The following CDC45 variants were observed in gnomAD, a reference collection of about 807,000 sequenced individuals.
CDC45 encodes the protein cell division control protein 45 homolog.
A neutral mutation model predicts 77.8 loss-of-function variants in CDC45; 54 were observed. The ratio of observed to expected loss-of-function variants is 0.69; its 90% CI spans 0.56 to 0.87. The LOEUF (loss-of-function observed/expected upper bound fraction) is 0.87, where lower values mean the gene tolerates loss of function less well. Among genes scored for constraint, CDC45 ranks in the 40% least tolerant of loss-of-function variants. The pLI is 0.00. For missense variants in CDC45, 649 were observed against 721.6 expected, an observed-to-expected ratio of 0.90 and a Z score of 1.15; for synonymous variants, 260 against 272.1, an observed-to-expected ratio of 0.96 and a Z score of 0.44.
chr22:19,494,187 G>C lies in CDC45; in HGVS notation c.487-140G>C. 1.1e-5 allele frequency: 8 copies of C among 723,026 alleles called. No individual in the cohort carries two copies. In the South Asian group the frequency reaches 1.3e-4, roughly 12 times the overall value. The allele number at this position is 723,026 out of a possible 1,614,324, so 44.8% of individuals were successfully genotyped here. On this transcript the variant is annotated intron_variant, in intron 5 of 18. Coordinates refer to ENST00000263201, the MANE Select transcript of CDC45 (RefSeq NM_003504.5). Reference sequence around the variant, plus strand: ...CCTCTCTTCCGTAGGAACAGGCTGTGCTCGGGGCACTGGTGTGACCGTGTT... The same window carrying C: ...CCTCTCTTCCGTAGGAACAGGCTGTCCTCGGGGCACTGGTGTGACCGTGTT...
chr22:19,480,535 C>G (rs769030734), intron 2 of CDC45, among the ~76,000 whole-genome samples: 1 of 151,912 alleles, frequency 6.6e-6, no homozygotes, highest in Non-Finnish European at 1.5e-5. Flanking sequence ...CGTGGCCTCT[C>G]AAATGGGGGA....
At chr22:19,516,454 G>C in intron 15 of CDC45, 73 bp from the exon 16 acceptor site, 4 of 1,278,846 alleles carry the variant, frequency 3.1e-6, no homozygotes, top group Non-Finnish European at 4.6e-6. Context: ...ACTGGGCGCT[G>C]TTGGGCTCTG....
chr22:19,500,406 C>T (rs1402656841), intron 9 of CDC45, among the ~76,000 whole-genome samples: 2 of 152,138 alleles, frequency 1.3e-5, no homozygotes, highest in Admixed American at 6.6e-5. Flanking sequence ...GTCACTAGGT[C>T]GGCGTGCTCT....
rs564056412 is a variant in CDC45 at position 19,518,821 on chromosome 22, C to G, written c.1637-23C>G. 8.1e-6 allele frequency: 13 copies of G among 1,608,056 alleles called. No homozygotes were observed. In the African/African-American group the frequency reaches 1.6e-4, roughly 20 times the overall value. On this transcript the variant is annotated intron_variant, in intron 17 of 18. Coordinates refer to ENST00000263201, the MANE Select transcript of CDC45 (RefSeq NM_003504.5). ...TGTTCCCACTCCTCCCTTCTCACGG[C>G]TGTTTTTCTTTCATTACTTCAGTAA...
chr22:19,498,765 A>G (rs1797346069), intron 8 of CDC45, among the ~76,000 whole-genome samples: 1 of 152,232 alleles, frequency 6.6e-6, no homozygotes, highest in Non-Finnish European at 1.5e-5. Context: ...TGTTGGGGTC[A>G]GGAGTGCAGG....
chr22:19,510,790 G>A (rs1479899092), intron 13 of CDC45, among the ~76,000 whole-genome samples: 2 of 152,126 alleles, frequency 1.3e-5, no homozygotes, highest in Non-Finnish European at 2.9e-5. Flanking sequence ...GCCTCCCAAA[G>A]TGCTGGGATT....
chr22:19,507,286 T>G (rs1601970822), intron 10 of CDC45, 100 bp from the exon 11 acceptor site: 2 of 1,443,674 alleles, frequency 1.4e-6, no homozygotes, highest in Non-Finnish European at 1.9e-6. Flanking sequence ...GCAGGCCTGG[T>G]GAGAAAGGGC....
At chr22:19,495,497 A>T (rs1344006519) in intron 6 of CDC45, among the ~76,000 whole-genome samples, 3 of 152,192 alleles carry the variant, frequency 2.0e-5, no homozygotes, top group Non-Finnish European at 4.4e-5. Context: ...TTAATTTCCC[A>T]ACGTTACACA....
intron 7 of CDC45, among the ~76,000 whole-genome samples, chr22:19,496,686 A>C (rs561423386): frequency 2.6e-5 from 4 of 151,982 alleles, no homozygotes; most frequent in African/African-American, 9.7e-5. Context: ...AGAGAAGATA[A>C]CTCCCTCCAG....
At chr22:19,505,810 C>G (rs572029332) in intron 10 of CDC45, among the ~76,000 whole-genome samples, 56 of 152,286 alleles carry the variant, frequency 3.7e-4, no homozygotes, top group South Asian at 2.9e-3. Flanking sequence ...AATCACACAG[C>G]GTGACGTGTC....
At chr22:19,499,417 G>T (rs2090301059) in intron 9 of CDC45, among the ~76,000 whole-genome samples, 1 of 152,128 alleles carries the variant, frequency 6.6e-6, no homozygotes. Context: ...CTTGTGCTGG[G>T]TGCTACCAGC....
rs532145944 is a variant in CDC45 at position 19,504,112 on chromosome 22, C to T, written c.705-1250C>T. Among the ~76,000 whole-genome samples, 21 of 152,310 alleles carry T rather than the reference C, an allele frequency of 1.4e-4. No homozygotes were observed. In the South Asian group the frequency reaches 3.5e-3, roughly 26 times the overall value. The stretch of plus-strand genomic sequence containing the variant: ...CCCACAAGGGGCTCGAGGCTAGACT[C>T]ACCATAATGTGTTATAGGACCAGCA... On this transcript the variant is annotated intron_variant, in intron 9 of 18. Transcript: ENST00000263201.
intron 13 of CDC45, among the ~76,000 whole-genome samples, chr22:19,511,329 C>CT (rs374439054): frequency 0.011 from 1,420 of 126,316 alleles, 40 homozygotes; most frequent in African/African-American, 0.026. Flanking sequence ...AGTCCTTTGT[C>CT]TTTTTTTTTT....
intron 5 of CDC45, among the ~76,000 whole-genome samples, chr22:19,485,894 T>C (rs2090059373): frequency 6.6e-6 from 1 of 152,178 alleles, no homozygotes; most frequent in South Asian, 2.1e-4. Context: ...CTGGGCAACA[T>C]GAAGAGAACC....
intron 9 of CDC45, among the ~76,000 whole-genome samples, chr22:19,504,385 C>T (rs1341812216): frequency 2.6e-5 from 4 of 152,216 alleles, no homozygotes; most frequent in East Asian, 1.9e-4. Context: ...TCGCAACCTC[C>T]GCCTCCCAGA....
At position 19,484,657 on chromosome 22, in the gene CDC45, A is replaced by G. The variant is rs534102047; in HGVS notation, c.486+652A>G. On this transcript the variant is annotated intron_variant, in intron 5 of 18. Coordinates refer to ENST00000263201, the MANE Select transcript of CDC45 (RefSeq NM_003504.5). Reference sequence around the variant, plus strand: ...TGTGTGACCTAGAATTTGCCCCCGTAATGTTCTAGGGTCTTCCCTTCATCC... The same window carrying G: ...TGTGTGACCTAGAATTTGCCCCCGTGATGTTCTAGGGTCTTCCCTTCATCC... 7.9e-5 allele frequency among the ~76,000 whole-genome samples: 12 copies of G among 152,260 alleles called. No individual in the cohort carries two copies. The East Asian group carries it at 2.3e-3, about 29-fold the overall frequency.
intron 17 of CDC45, 63 bp downstream of exon 17, chr22:19,516,956 C>A (rs534228980): frequency 1.4e-6 from 2 of 1,387,338 alleles, no homozygotes; most frequent in African/African-American, 1.4e-5. Context: ...ATTGCAGGCC[C>A]TGGAACCAAG....
intron 10 of CDC45, 113 bp downstream of exon 10, chr22:19,505,594 G>C: frequency 1.6e-6 from 2 of 1,243,862 alleles, no homozygotes; most frequent in East Asian, 2.4e-5. Flanking sequence ...GAAAGCAGGT[G>C]GGGCAGGAAG....
Position 19,497,339 on chromosome 22 carries a change from A to C in CDC45, c.592-47A>C, listed in dbSNP as rs759956734. The C allele has an allele frequency of 1.9e-6, 3 of 1,573,830 alleles. No individual in the cohort carries two copies. In the Admixed American group the frequency reaches 5.0e-5, roughly 26 times the overall value. ...CAGTCTGGCTGCATGGCCCAGCCCCAGCACATGCCCCTCCCATGAGCCTTA... is the reference window on the plus strand; with the variant it reads ...CAGTCTGGCTGCATGGCCCAGCCCCCGCACATGCCCCTCCCATGAGCCTTA... On this transcript the variant is annotated intron_variant, in intron 7 of 18. Coordinates refer to ENST00000263201, the MANE Select transcript of CDC45 (RefSeq NM_003504.5).
Sources: gnomAD v4.1 joint callset for allele counts (sites outside exome capture counted in the v4.1 genomes callset) on GRCh38, gnomAD v4.1.1 for gene constraint, MANE v1.5 for transcripts, NCBI Gene and HGNC (gene_info 2026-07-23, HGNC 2026-07-21) for gene names.